Variants in RPL27 observed in about 807,000 individuals in gnomAD.
RPL27 encodes the protein ribosomal protein L27.
For missense variants in RPL27, 131 were observed against 174.3 expected (o/e 0.75, Z 1.40); for synonymous variants, 77 against 61.0 (o/e 1.26, Z -1.22).
Position 43,002,701 on chromosome 17 carries a change from A to G in RPL27, c.280A>G (p.Thr94Ala). ...CTCTGTGGATATCCCCTTGGACAAA[A>G]CTGTCGTCAATAAGGATGTCTTCAG... ...RYSVDIPLDK[T>A]VVNKDVFRDP... The change falls in exon 4 of 5, where the codon ACT becomes GCT. Residue 94 changes from threonine to alanine, a missense_variant. By Grantham distance (58) the Thr-to-Ala change is moderately conservative (BLOSUM62 0). Transcript: ENST00000253788. 1 of 1,613,590 alleles carries G rather than the reference A, an allele frequency of 6.2e-7. No individual in the cohort carries two copies. Among genetic ancestry groups the G allele is most frequent in the Non-Finnish European group, 8.5e-7 (1 of 1,179,548 alleles).
Position 43,002,901 on chromosome 17 carries a change from T to C in RPL27, c.392T>C (p.Phe131Ser). The C allele has an allele frequency of 6.2e-7, 1 of 1,613,928 alleles. No homozygotes were observed. The highest frequency in any genetic ancestry group is 8.5e-7 in the Non-Finnish European group (1 of 1,179,792). Residue 131 changes from phenylalanine (F) to serine (S), a missense_variant, in exon 5 of 5, where the codon TTC (phenylalanine) becomes TCC (serine). Phe to Ser is a radical substitution (Grantham distance 155). Transcript: ENST00000253788. The stretch of plus-strand genomic sequence containing the variant: ...AAGACAGGCAAGAACAAGTGGTTCT[T>C]CCAGAAACTGCGGTTTTAGATGCTT... ...RYKTGKNKWF[F>S]QKLRF is the part of the protein sequence containing the mutation.
chr17:43,001,312 T>G (rs1015600008), intron 3 of RPL27, among the ~76,000 whole-genome samples: 24 of 149,074 alleles, frequency 1.6e-4, no homozygotes, highest in African/African-American at 4.7e-4. Context: ...GCACATTTAC[T>G]CTGGGTTGGC....
intron 2 of RPL27, 50 bp downstream of exon 2, chr17:42,998,881 CT>C: frequency 6.6e-7 from 1 of 1,512,368 alleles, no homozygotes; most frequent in Non-Finnish European, 9.2e-7. Context: ...ACCAGGCTGG[CT>C]GCGGCGGGGC....
intron 1 of RPL27, 74 bp from the exon 2 acceptor site, chr17:42,998,675 G>T: frequency 8.4e-7 from 1 of 1,184,092 alleles, no homozygotes; most frequent in Non-Finnish European, 1.3e-6. Context: ...ACCTGGGCTT[G>T]CTGGCAGGAG....
At position 42,998,810 on chromosome 17, in the gene RPL27, A is replaced by T; in HGVS notation, c.60A>T (p.Gly20=). Residue 20 remains glycine (G), a synonymous_variant, in exon 2 of 5, where the codon GGA becomes GGT. Coordinates refer to ENST00000253788, the MANE Select transcript of RPL27 (RefSeq NM_000988.5). ...TTGTCCTGGCTGGACGCTACTCCGGACGCAAAGCTGTCATCGTGAAGGTAT... is the reference window on the plus strand; with the variant it reads ...TTGTCCTGGCTGGACGCTACTCCGGTCGCAAAGCTGTCATCGTGAAGGTAT... The part of the protein sequence containing the change: ...VVLVLAGRYS[G]RKAVIVKNID... 1 of 1,613,958 alleles carries T rather than the reference A, an allele frequency of 6.2e-7. No homozygotes were observed. Among genetic ancestry groups the T allele is most frequent in the Non-Finnish European group, 8.5e-7 (1 of 1,179,910 alleles).
At chr17:42,999,554 C>G (rs1027103639) in intron 2 of RPL27, 3 of 179,262 alleles carry the variant, frequency 1.7e-5, no homozygotes, top group African/African-American at 7.1e-5. Flanking sequence ...ATTCCCCTCT[C>G]CCATCTCCTG....
At position 43,002,882 on chromosome 17, in the gene RPL27, G is replaced by T. The variant is rs1247844188; in HGVS notation, c.373G>T (p.Gly125Cys). 1.9e-6 allele frequency: 3 copies of T among 1,613,672 alleles called. No homozygotes were observed. The highest frequency in any genetic ancestry group is 8.5e-7 in the Non-Finnish European group (1 of 1,179,742). Residue 125 changes from glycine (G) to cysteine (C), a missense_variant, in exon 5 of 5, where the codon GGC becomes TGC. Gly to Cys is a radical substitution (Grantham distance 159, BLOSUM62 -3). Transcript: ENST00000253788. ...KVKFEERYKTGKNKWFFQKLR... is the reference protein window; with the variant it reads ...KVKFEERYKTCKNKWFFQKLR... Reference sequence around the variant, plus strand: ...TTTTTTCCCTTCTAGATACAAGACAGGCAAGAACAAGTGGTTCTTCCAGAA... The same window carrying T: ...TTTTTTCCCTTCTAGATACAAGACATGCAAGAACAAGTGGTTCTTCCAGAA...
chr17:42,998,427 T>C lies in RPL27; in HGVS notation c.-47T>C, dbSNP rs1033468332. ...CACCGGGGTGAAAGGTTAGCGGAAG[T>C]GTCCTTCTTTCCTTTTTGCTGGTAG... is the stretch of plus-strand genomic sequence containing the variant. On this transcript the variant is annotated 5_prime_UTR_variant, in exon 1 of 5. Transcript: ENST00000253788. The C allele has an allele frequency of 4.7e-4, 99 of 211,464 alleles. 1 individual carries two copies. The Admixed American group carries it at 7.6e-3, about 16-fold the overall frequency. 13.1% of individuals were successfully genotyped at this position (211,464 alleles called of 1,614,324 possible). A position where few individuals can be genotyped will look rare whatever the true frequency, so the allele number is the denominator to read the frequency against.
intron 2 of RPL27, 186 bp from the exon 3 acceptor site, chr17:42,999,747 C>A: frequency 1.8e-6 from 1 of 566,592 alleles, no homozygotes; most frequent in Non-Finnish European, 3.1e-6. Flanking sequence ...CAGATGCTTC[C>A]TGATGGAGAT....
intron 3 of RPL27, among the ~76,000 whole-genome samples, chr17:43,001,545 T>C (rs1567738566): frequency 6.6e-6 from 1 of 151,266 alleles, no homozygotes; most frequent in African/African-American, 2.5e-5. Flanking sequence ...CGCTTGAGTT[T>C]GGGAGGTGGA....
At chr17:42,999,020 C>A in intron 2 of RPL27, 189 bp downstream of exon 2, 1 of 567,604 alleles carries the variant, frequency 1.8e-6, no homozygotes, top group South Asian at 2.0e-5. Flanking sequence ...ATTGGGCTCC[C>A]AACGCATAAA....
chr17:43,002,781 G>C lies in RPL27; in HGVS notation c.360G>C (p.Glu120Asp). Residue 120 changes from glutamate (E) to aspartate (D), a missense_variant and splice_region_variant, in exon 4 of 5, where the codon GAG becomes GAC. By Grantham distance (45) the Glu-to-Asp change is conservative (BLOSUM62 2). Transcript: ENST00000253788. ...GGGAGGCCAAGGTCAAGTTTGAAGA[G>C]AGGTAAGTAGGCTTTGGTAGTGAAT... ...ARREAKVKFEERYKTGKNKWF... is the reference protein window; with the variant it reads ...ARREAKVKFEDRYKTGKNKWF... 3 of 1,611,210 alleles carry C rather than the reference G, an allele frequency of 1.9e-6. No homozygotes were observed. Among genetic ancestry groups the C allele is most frequent in the Non-Finnish European group, 1.7e-6 (2 of 1,177,294 alleles).
chr17:43,002,352 A>G (rs2050372820), intron 3 of RPL27, among the ~76,000 whole-genome samples: 1 of 151,354 alleles, frequency 6.6e-6, no homozygotes. Flanking sequence ...AAAAAAATAC[A>G]AAAAATTAGC....
chr17:43,002,559 A>G, intron 3 of RPL27, 114 bp from the exon 4 acceptor site: 1 of 683,560 alleles, frequency 1.5e-6, no homozygotes, highest in Non-Finnish European at 2.7e-6. Context: ...ATGGCTTTTG[A>G]TGGTTGCTTC....
At position 43,000,108 on chromosome 17, in the gene RPL27, C is replaced by A; in HGVS notation, c.251+6C>A. On this transcript the variant is annotated splice_donor_region_variant and intron_variant, in intron 3 of 4. Transcript: ENST00000253788. Reference sequence around the variant, plus strand: ...AATCACCTAATGCCCACAAGGTGAGCATTTCAAGAACTAGAATTTAAATTT... The same window carrying A: ...AATCACCTAATGCCCACAAGGTGAGAATTTCAAGAACTAGAATTTAAATTT... The A allele has an allele frequency of 6.2e-7, 1 of 1,601,770 alleles. No homozygotes were observed. Among genetic ancestry groups the A allele is most frequent in the Non-Finnish European group, 8.5e-7 (1 of 1,169,870 alleles).
chr17:42,998,451 A>G lies in RPL27; in HGVS notation c.-23A>G, dbSNP rs538377203. ...GTGTCCTTCTTTCCTTTTTGCTGGTAGGGCCGGGTGGTTGCTGCCGGTAAG... is the reference window on the plus strand; with the variant it reads ...GTGTCCTTCTTTCCTTTTTGCTGGTGGGGCCGGGTGGTTGCTGCCGGTAAG... On this transcript the variant is annotated 5_prime_UTR_variant, in exon 1 of 5. Transcript: ENST00000253788. The G allele has an allele frequency of 1.5e-5, 4 of 268,576 alleles. No homozygotes were observed. The East Asian group carries it at 4.2e-4, about 28-fold the overall frequency. 16.6% of individuals were successfully genotyped at this position (268,576 alleles called of 1,614,324 possible). A position where few individuals can be genotyped will look rare whatever the true frequency, so the allele number is the denominator to read the frequency against.
At chr17:42,999,569 T>C in intron 2 of RPL27, 1 of 195,434 alleles carries the variant, frequency 5.1e-6, no homozygotes, top group Non-Finnish European at 1.1e-5. Flanking sequence ...CTCCTGAGAC[T>C]GATCTCTGGA....
chr17:43,001,604 G>C (rs1382781130), intron 3 of RPL27, among the ~76,000 whole-genome samples: 2 of 151,604 alleles, frequency 1.3e-5, no homozygotes, highest in Non-Finnish European at 2.9e-5. Flanking sequence ...CTGGGTGACA[G>C]AGCGAGACTC....
At chr17:42,998,686 T>G (rs1024290581) in intron 1 of RPL27, 63 bp from the exon 2 acceptor site, 5 of 1,279,962 alleles carry the variant, frequency 3.9e-6, no homozygotes, top group Non-Finnish European at 4.5e-6. Context: ...CTGGCAGGAG[T>G]CAGCTCTGGG....
Sources: allele counts gnomAD v4.1 joint callset (sites outside exome capture counted in the v4.1 genomes callset), GRCh38; gene constraint gnomAD v4.1.1; transcripts MANE v1.5; gene names NCBI Gene and HGNC (gene_info 2026-07-23, HGNC 2026-07-21).